MEGF10: variants seen among roughly 807,000 people sequenced by gnomAD.
MEGF10 encodes the protein multiple epidermal growth factor-like domains protein 10.
A neutral mutation model predicts 147.5 loss-of-function variants in MEGF10; 86 were observed. The ratio of observed to expected loss-of-function variants is 0.58; its 90% CI spans 0.49 to 0.70. The LOEUF (loss-of-function observed/expected upper bound fraction) is 0.70. Ranked by LOEUF, MEGF10 falls within the 30% of genes least tolerant of loss-of-function variation. MEGF10 has a pLI of 0.00. For synonymous variants in MEGF10, 478 were observed against 525.5 expected (o/e 0.91, Z 1.24); for missense variants, 1,329 against 1,487.3 (o/e 0.89, Z 1.75).
At chr5:127,394,000 G>A (rs1763809592) in intron 5 of MEGF10, among the ~76,000 whole-genome samples, 1 of 152,090 alleles carries the variant, frequency 6.6e-6, no homozygotes, top group Admixed American at 6.6e-5. Flanking sequence ...AACATGTTCT[G>A]TAAAGTGTAT....
intron 5 of MEGF10, among the ~76,000 whole-genome samples, chr5:127,372,560 A>G (rs1762884639): frequency 6.6e-6 from 1 of 152,114 alleles, no homozygotes; most frequent in Non-Finnish European, 1.5e-5. Context: ...TTTCACTGTC[A>G]TGTCTCCCCT....
chr5:127,400,152 G>T (rs1472292784), intron 7 of MEGF10, among the ~76,000 whole-genome samples: 2 of 152,138 alleles, frequency 1.3e-5, no homozygotes, highest in Non-Finnish European at 2.9e-5. Context: ...AAGGCCACTG[G>T]GACAAGTATA....
chr5:127,363,647 C>T (rs1193270178), intron 4 of MEGF10, among the ~76,000 whole-genome samples: 3 of 152,194 alleles, frequency 2.0e-5, no homozygotes, highest in African/African-American at 7.2e-5. Context: ...GAAGGTTAGA[C>T]ATTGGGTGTA....
At chr5:127,370,904 A>C (rs996220471) in intron 5 of MEGF10, among the ~76,000 whole-genome samples, 3 of 152,218 alleles carry the variant, frequency 2.0e-5, no homozygotes, top group African/African-American at 7.2e-5. Flanking sequence ...CGTTTTAAAA[A>C]GTTAGCAAGT....
chr5:127,255,115 T>A, the MEGF10 span, among the ~76,000 whole-genome samples: 998 of 151,932 alleles, frequency 6.6e-3, 12 homozygotes, highest in African/African-American at 0.023. Flanking sequence ...ATGTACTGAG[T>A]CAGCCTCTGG....
At position 127,420,135 on chromosome 5, in the gene MEGF10, C is replaced by T. The variant is rs1375839486; in HGVS notation, c.1518C>T (p.Ala506=). The change falls in exon 12 of 25, where the codon GCC becomes GCT. Residue 506 remains alanine (A), a synonymous_variant. Coordinates refer to ENST00000503335, the MANE Select transcript of MEGF10 (RefSeq NM_001256545.2). The part of the protein sequence containing the change: ...NLTCQCLNGG[A]CNTLDGTCTC... Reference sequence around the variant, plus strand: ...CATGCCAGTGCCTCAACGGGGGAGCCTGCAACACCCTGGACGGGACCTGCA... The same window carrying T: ...CATGCCAGTGCCTCAACGGGGGAGCTTGCAACACCCTGGACGGGACCTGCA... The T allele has an allele frequency of 1.9e-6, 3 of 1,614,086 alleles. No homozygotes were observed. Among genetic ancestry groups the T allele is most frequent in the Non-Finnish European group, 1.7e-6 (2 of 1,180,046 alleles).
the MEGF10 span, among the ~76,000 whole-genome samples, chr5:127,268,238 T>A: frequency 6.6e-6 from 1 of 152,204 alleles, no homozygotes; most frequent in South Asian, 2.1e-4. Flanking sequence ...TTGAGTGAGT[T>A]TCTTAATCCT....
chr5:127,400,817 GTGTCCCAGGCCC>G (rs1490836044), intron 7 of MEGF10, among the ~76,000 whole-genome samples: 1 of 152,152 alleles, frequency 6.6e-6, no homozygotes, highest in African/African-American at 2.4e-5. Flanking sequence ...CTCTTTATCT[GTGTCCCAGGCCC>G]CTTACCTTAC....
the MEGF10 span, among the ~76,000 whole-genome samples, chr5:127,257,971 T>C: frequency 6.6e-6 from 1 of 152,196 alleles, no homozygotes; most frequent in Admixed American, 6.5e-5. Flanking sequence ...ACATTTGCTA[T>C]CAAGTGCTCA....
chr5:127,251,480 C>T, the MEGF10 span, among the ~76,000 whole-genome samples: 1 of 151,906 alleles, frequency 6.6e-6, no homozygotes. Context: ...TAGAAGAGTG[C>T]CTGAAATGTG....
Position 127,417,684 on chromosome 5 carries a change from G to T in MEGF10, c.1177G>T (p.Gly393Ter), listed in dbSNP as rs150523119. Residue 393 changes from glycine (G) to a stop codon, truncating the protein, a stop_gained, in exon 10 of 25, where the codon GGA becomes TGA. Transcript: ENST00000503335. LOFTEE classifies it high-confidence loss of function. ...GTGTGCCTGCAAGCCGGGCTGGTCA[G>T]GACTCTACTGTAATGAGACATGTTC... ...GECACKPGWS[G>*]LYCNETCSPG... is the part of the protein sequence containing the mutation. The T allele has an allele frequency of 6.2e-7, 1 of 1,614,126 alleles. No homozygotes were observed. The highest frequency in any genetic ancestry group is 2.2e-5 in the East Asian group (1 of 44,876).
chr5:127,339,864 C>T (rs904058547), intron 3 of MEGF10, among the ~76,000 whole-genome samples: 5 of 152,128 alleles, frequency 3.3e-5, no homozygotes, highest in Admixed American at 6.6e-5. Flanking sequence ...TAGCATTTCC[C>T]GCCTGTCACA....
chr5:127,298,503 C>T (rs1221649179), intron 1 of MEGF10, among the ~76,000 whole-genome samples: 2 of 152,134 alleles, frequency 1.3e-5, no homozygotes, highest in African/African-American at 2.4e-5. Flanking sequence ...TTCAGAGGCA[C>T]GAGAATCACC....
chr5:127,435,372 G>A lies in MEGF10; in HGVS notation c.1987G>A (p.Gly663Ser). The A allele has an allele frequency of 6.2e-7, 1 of 1,613,938 alleles. No homozygotes were observed. Among genetic ancestry groups the A allele is most frequent in the South Asian group, 1.1e-5 (1 of 91,038 alleles). ...TAGCTTATTCACAGTGTGTCCCAGT[G>A]GCAGATTTGGGAAAAACTGTGCAGG... ...GALCNEVCPS[G>S]RFGKNCAGIC... Residue 663 changes from glycine (G) to serine (S), a missense_variant, in exon 16 of 25, where the codon GGC (glycine) becomes AGC (serine). Around this residue, in one of 3 missense-constraint regions of MEGF10, gnomAD observed 980 missense variants for 1,085.9 expected, o/e 0.90. Coordinates refer to ENST00000503335, the MANE Select transcript of MEGF10 (RefSeq NM_001256545.2).
chr5:127,329,383 T>G (rs1462003740), intron 1 of MEGF10, among the ~76,000 whole-genome samples: 1 of 152,166 alleles, frequency 6.6e-6, no homozygotes, highest in Non-Finnish European at 1.5e-5. Context: ...AACATTTTCT[T>G]TTAGCCTTTG....
rs369848725 is a variant in MEGF10, at chr5:127,411,179, G to C, written c.1130+578G>C. On this transcript the variant is annotated intron_variant, in intron 9 of 24. Transcript: ENST00000503335. ...ACTTTTAGCTCAAAAACCTCTCCAA[G>C]AATTTGAGAACAGGAAACCACGATC... is the stretch of plus-strand genomic sequence containing the variant. Among the ~76,000 whole-genome samples, 3 of 152,128 alleles carry C rather than the reference G, an allele frequency of 2.0e-5. No homozygotes were observed. In the East Asian group the frequency reaches 5.8e-4, roughly 29 times the overall value.
the MEGF10 span, among the ~76,000 whole-genome samples, chr5:127,281,527 G>A: frequency 1.6e-4 from 25 of 152,280 alleles, no homozygotes; most frequent in Admixed American, 1.1e-3. Flanking sequence ...TGTGACCAGG[G>A]GCCAGTGGTC....
intron 22 of MEGF10, 60 bp from the exon 23 acceptor site, chr5:127,454,506 G>C: frequency 6.7e-7 from 1 of 1,487,944 alleles, no homozygotes; most frequent in Non-Finnish European, 9.2e-7. Flanking sequence ...TTGGGATATT[G>C]GATGGGGTTT....
rs780198734 is a variant in MEGF10, at chr5:127,455,442, C to A, written c.3067C>A (p.Leu1023Ile). The change falls in exon 24 of 25, where the codon CTA becomes ATA. Residue 1023 changes from leucine (L) to isoleucine (I), a missense_variant. Around this residue, in one of 3 missense-constraint regions of MEGF10, gnomAD observed 343 missense variants for 377.9 expected, o/e 0.91. Transcript: ENST00000503335. The stretch of plus-strand genomic sequence containing the variant: ...TGAATATAATTCAAGTAACTGCTCC[C>A]TAAGCAGTTCTGAGAACCCATATGC... ...NSEYNSSNCS[L>I]SSSENPYATI... 3 of 1,614,084 alleles carry A rather than the reference C, an allele frequency of 1.9e-6. No individual in the cohort carries two copies. In the South Asian group the frequency reaches 3.3e-5, roughly 18 times the overall value.
Sources: allele counts gnomAD v4.1 joint callset (sites outside exome capture counted in the v4.1 genomes callset), GRCh38; gene constraint gnomAD v4.1.1; regional missense constraint gnomAD v4.1.1; transcripts MANE v1.5; gene names NCBI Gene and HGNC (gene_info 2026-07-23, HGNC 2026-07-21).